The following ITGB3BP variants were observed in gnomAD, a reference collection of about 807,000 sequenced individuals.
ITGB3BP encodes the protein integrin subunit beta 3 binding protein.
Under a neutral mutation model 29.1 loss-of-function variants are expected in ITGB3BP, and 27 were observed. The observed-to-expected ratio is 0.93, with a 90% CI of 0.68 to 1.28. The LOEUF (loss-of-function observed/expected upper bound fraction) is 1.28. Ranked by LOEUF, ITGB3BP falls within the 50% of genes most tolerant of loss-of-function variation. ITGB3BP has a pLI of 0.00. For missense variants in ITGB3BP, 192 were observed against 200.2 expected, an observed-to-expected ratio of 0.96 and a Z score of 0.25; for synonymous variants, 61 against 61.4, an observed-to-expected ratio of 0.99 and a Z score of 0.03.
chr1:63,518,782 C>T (rs566779095), intron 1 of ITGB3BP, among the ~76,000 whole-genome samples: 1 of 152,030 alleles, frequency 6.6e-6, no homozygotes, highest in East Asian at 1.9e-4. Flanking sequence ...GTTTTTGTTC[C>T]TTTGTTCTTT....
upstream of ITGB3BP, among the ~76,000 whole-genome samples, chr1:63,526,245 G>T (rs1460347892): frequency 6.6e-6 from 1 of 151,750 alleles, no homozygotes; most frequent in Non-Finnish European, 1.5e-5. Context: ...GTCTTTTATT[G>T]CTTCTGTCCT....
At chr1:63,478,674 A>C (rs967364391) in intron 4 of ITGB3BP, 90 bp downstream of exon 4, 2 of 643,474 alleles carry the variant, frequency 3.1e-6, no homozygotes, top group Non-Finnish European at 5.4e-6. Flanking sequence ...ATTAATTTCT[A>C]CAAATAAATG....
At chr1:63,500,286 G>C (rs989008182) in intron 2 of ITGB3BP, among the ~76,000 whole-genome samples, 3 of 152,258 alleles carry the variant, frequency 2.0e-5, no homozygotes, top group African/African-American at 4.8e-5. Context: ...GCCGAGGCAG[G>C]AGAACTGCTT....
At chr1:63,517,904 G>A (rs34012802) in intron 1 of ITGB3BP, among the ~76,000 whole-genome samples, 149 of 151,962 alleles carry the variant, frequency 9.8e-4, no homozygotes, top group African/African-American at 3.5e-3. Context: ...ATATTTTTTC[G>A]TAGAGACAGC....
intron 1 of ITGB3BP, among the ~76,000 whole-genome samples, chr1:63,510,764 A>G (rs1173664338): frequency 2.0e-5 from 3 of 152,122 alleles, no homozygotes; most frequent in Admixed American, 6.6e-5. Flanking sequence ...ATTGAGGGGA[A>G]GGGAATTAAA....
intron 1 of ITGB3BP, among the ~76,000 whole-genome samples, chr1:63,516,513 C>A (rs1646331262): frequency 6.6e-6 from 1 of 151,536 alleles, no homozygotes. Context: ...TGTTTGAGAT[C>A]AACATGGGCA....
At chr1:63,518,409 AATG>A (rs1251252525) in intron 1 of ITGB3BP, among the ~76,000 whole-genome samples, 1 of 152,186 alleles carries the variant, frequency 6.6e-6, no homozygotes, top group African/African-American at 2.4e-5. Context: ...TAAAGGCTTT[AATG>A]ATATTACCTC....
rs551003236 is a variant in ITGB3BP, at chr1:63,512,898, T to C, written c.6-4328A>G. On this transcript the variant is annotated intron_variant, in intron 1 of 8. Coordinates refer to ENST00000271002, the MANE Select transcript of ITGB3BP (RefSeq NM_014288.5). ...TTCACATTCCATGTGACTCCTTAAA[T>C]GTAAACCTTTTGTTTTCCTTGACCT... 2.0e-4 allele frequency among the ~76,000 whole-genome samples: 30 copies of C among 152,352 alleles called. No individual in the cohort carries two copies. In the South Asian group the frequency reaches 6.2e-3, roughly 32 times the overall value.
At chr1:63,455,691 C>T (rs907634655) in intron 4 of ITGB3BP, among the ~76,000 whole-genome samples, 1 of 152,098 alleles carries the variant, frequency 6.6e-6, no homozygotes, top group South Asian at 2.1e-4. Context: ...ATTTAGTAAA[C>T]ATACTAAAAA....
At chr1:63,525,744 G>A, upstream of ITGB3BP, 1 of 1,562,716 alleles carries the variant, frequency 6.4e-7, no homozygotes, top group Non-Finnish European at 8.6e-7. Context: ...TATTTCTAAA[G>A]ATCAACTTTA....
At chr1:63,511,559 G>A (rs140440837) in intron 1 of ITGB3BP, among the ~76,000 whole-genome samples, 199 of 152,010 alleles carry the variant, frequency 1.3e-3, no homozygotes, top group African/African-American at 4.5e-3. Context: ...CAGATGAACC[G>A]ATAAACAAAA....
At chr1:63,463,951 G>A (rs926270439) in intron 4 of ITGB3BP, among the ~76,000 whole-genome samples, 4 of 151,888 alleles carry the variant, frequency 2.6e-5, no homozygotes, top group Non-Finnish European at 4.4e-5. Flanking sequence ...CACCTTATCT[G>A]TATAAAAAAA....
At chr1:63,448,253 A>G (rs550234424) in intron 7 of ITGB3BP, among the ~76,000 whole-genome samples, 8 of 150,232 alleles carry the variant, frequency 5.3e-5, no homozygotes, top group East Asian at 2.0e-4. Context: ...TGGGTGCAGC[A>G]CACCAGCATG....
chr1:63,468,249 C>G (rs1405771643), intron 4 of ITGB3BP, among the ~76,000 whole-genome samples: 2 of 152,168 alleles, frequency 1.3e-5, no homozygotes, highest in Non-Finnish European at 2.9e-5. Context: ...CAGGTGCCTA[C>G]CCCTGGACCA....
In ITGB3BP at chr1:63,478,746, CA is replaced by C; in HGVS notation, c.254+17del. 1.6e-6 allele frequency: 2 copies of C among 1,243,948 alleles called. No individual in the cohort carries two copies. Among genetic ancestry groups the C allele is most frequent in the East Asian group, 2.5e-5 (1 of 39,706 alleles). 77.1% of individuals were successfully genotyped at this position (1,243,948 alleles called of 1,614,324 possible). A position where few individuals can be genotyped will look rare whatever the true frequency, so the allele number is the denominator to read the frequency against. ...TCTGCAAGATACACATATATAATTT[CA>C]AAAATAACAAACTTACTCATCATTG... On this transcript the variant is annotated intron_variant, in intron 4 of 8. Coordinates refer to ENST00000271002, the MANE Select transcript of ITGB3BP (RefSeq NM_014288.5).
intron 3 of ITGB3BP, among the ~76,000 whole-genome samples, chr1:63,479,422 T>C (rs1645399896): frequency 6.6e-6 from 1 of 152,190 alleles, no homozygotes; most frequent in Non-Finnish European, 1.5e-5. Context: ...TTAACATATC[T>C]ATTACCTTAC....
intron 7 of ITGB3BP, 79 bp downstream of exon 7, chr1:63,453,839 G>T: frequency 1.2e-6 from 1 of 802,760 alleles, no homozygotes. Context: ...CCACTAAAAA[G>T]GATTCATGAT....
At chr1:63,500,361 G>GAGCA (rs1645896476) in intron 2 of ITGB3BP, among the ~76,000 whole-genome samples, 1 of 151,826 alleles carries the variant, frequency 6.6e-6, no homozygotes, top group African/African-American at 2.4e-5. Context: ...CTGGGCAAAA[G>GAGCA]AGCAAGACTC....
chr1:63,506,085 C>T (rs12124900), intron 2 of ITGB3BP, among the ~76,000 whole-genome samples: 22,733 of 152,044 alleles, frequency 0.15, 2,204 homozygotes, highest in South Asian at 0.22. Flanking sequence ...CTTTCTGTCT[C>T]GTTGATCTGT....
Sources: allele counts gnomAD v4.1 joint callset (sites outside exome capture counted in the v4.1 genomes callset), GRCh38; gene constraint gnomAD v4.1.1; transcripts MANE v1.5; gene names NCBI Gene and HGNC (gene_info 2026-07-23, HGNC 2026-07-21).